ANK1: variants seen among roughly 807,000 people sequenced by gnomAD.
The protein encoded by ANK1 is ankyrin 1, also known as ankyrin-1.
ANK1 carries 51 observed loss-of-function variants against 210.4 expected under a neutral mutation model. The observed-to-expected ratio is 0.24, with a 90% CI of 0.19 to 0.31. The LOEUF is 0.31. Ranked by LOEUF, ANK1 falls within the 10% of genes least tolerant of loss-of-function variation. The pLI is 1.00. For missense variants in ANK1, 2,051 were observed against 2,504.4 expected (o/e 0.82, Z 3.86); for synonymous variants, 967 against 1,025.9 (o/e 0.94, Z 1.10).
At chr8:41,673,025 T>G in intron 37 of ANK1, 113 bp from the exon 38 acceptor site, 1 of 1,140,762 alleles carries the variant, frequency 8.8e-7, no homozygotes, top group Non-Finnish European at 1.3e-6. Flanking sequence ...GCCACAGAGA[T>G]GCATGCACAT....
At chr8:41,747,635 A>T (rs927758848) in intron 2 of ANK1, among the ~76,000 whole-genome samples, 2 of 152,166 alleles carry the variant, frequency 1.3e-5, no homozygotes, top group Admixed American at 6.5e-5. Flanking sequence ...CCTGCCACAC[A>T]CAGGCCTATC....
chr8:41,811,133 C>G (rs1439133861), intron 1 of ANK1, among the ~76,000 whole-genome samples: 3 of 152,314 alleles, frequency 2.0e-5, no homozygotes, highest in Admixed American at 2.0e-4. Flanking sequence ...GAAAAACAAG[C>G]TAAGCATGGC....
chr8:41,798,104 C>A (rs1301906178), upstream of ANK1, among the ~76,000 whole-genome samples: 2 of 152,006 alleles, frequency 1.3e-5, no homozygotes, highest in African/African-American at 4.8e-5. Context: ...GCCCTGGGTG[C>A]CCCTGGGTTG....
At chr8:41,677,447 C>T (rs1814530528) in intron 37 of ANK1, among the ~76,000 whole-genome samples, 1 of 151,952 alleles carries the variant, frequency 6.6e-6, no homozygotes, top group South Asian at 2.1e-4. Context: ...CTTTATTTTG[C>T]TTTCATTTTT....
chr8:41,771,988 G>T (rs1843056510), intron 1 of ANK1, among the ~76,000 whole-genome samples: 1 of 152,130 alleles, frequency 6.6e-6, no homozygotes, highest in Admixed American at 6.5e-5. Context: ...TCCCCAGGAT[G>T]ATTTGGGAGA....
At chr8:41,857,324 G>A (rs559454298) in intron 1 of ANK1, among the ~76,000 whole-genome samples, 8 of 151,368 alleles carry the variant, frequency 5.3e-5, no homozygotes, top group South Asian at 2.1e-4. Context: ...GTGGCCGGGC[G>A]CGGTGGCTCA....
At chr8:41,851,930 C>T (rs1468932279) in intron 1 of ANK1, among the ~76,000 whole-genome samples, 1 of 152,144 alleles carries the variant, frequency 6.6e-6, no homozygotes, top group Non-Finnish European at 1.5e-5. Context: ...CTACCATTGG[C>T]CCCCAGTCCT....
chr8:41,661,819 G>A (rs774013143), intron 41 of ANK1, 57 bp downstream of exon 41: 2 of 1,613,926 alleles, frequency 1.2e-6, no homozygotes, highest in South Asian at 2.2e-5. Flanking sequence ...GTTTCATAAA[G>A]TAATCAATAT....
intron 1 of ANK1, among the ~76,000 whole-genome samples, chr8:41,827,764 ACC>A (rs1805685305): frequency 1.4e-5 from 2 of 140,952 alleles, no homozygotes; most frequent in Admixed American, 7.0e-5. Flanking sequence ...CCACTCACAC[ACC>A]CCACACACAT....
chr8:41,845,487 C>T (rs1021488653), intron 1 of ANK1, among the ~76,000 whole-genome samples: 1 of 151,922 alleles, frequency 6.6e-6, no homozygotes, highest in Non-Finnish European at 1.5e-5. Context: ...GCAGTGGTCT[C>T]GCGGGGCACA....
chr8:41,728,033 A>G (rs748765506), intron 3 of ANK1, 27 bp from the exon 4 acceptor site: 1 of 1,611,282 alleles, frequency 6.2e-7, no homozygotes, highest in Non-Finnish European at 8.5e-7. Flanking sequence ...AAGGGAACAG[A>G]GGCGGTTTCC....
rs765269898 is a variant in ANK1 at position 41,672,457 on chromosome 8, C to A, written c.4993G>T (p.Asp1665Tyr). The change falls in exon 38 of 43, where the codon GAC (aspartate) becomes TAC (tyrosine). Residue 1665 changes from aspartate (D) to tyrosine (Y), a missense_variant. Physicochemically the swap from Asp to Tyr is radical, Grantham distance 160. Coordinates refer to ENST00000289734, the MANE Select transcript of ANK1 (RefSeq NM_000037.4). ...ACAAGAGACACTTCATTCTCTGAGTCCTGCCCTGCACCTGTCGCGTCATCC... is the reference window on the plus strand; with the variant it reads ...ACAAGAGACACTTCATTCTCTGAGTACTGCCCTGCACCTGTCGCGTCATCC... Reference protein sequence around the residue: ...RQDDATGAGQDSENEVSLVSG... With the variant: ...RQDDATGAGQYSENEVSLVSG... 4.3e-6 allele frequency: 7 copies of A among 1,614,232 alleles called. No individual in the cohort carries two copies. The highest frequency in any genetic ancestry group is 5.9e-6 in the Non-Finnish European group (7 of 1,180,046).
chr8:41,808,620 G>A (rs565051763), intron 1 of ANK1, among the ~76,000 whole-genome samples: 24 of 152,026 alleles, frequency 1.6e-4, no homozygotes, highest in African/African-American at 5.1e-4. Context: ...AGTCAATATC[G>A]TGCCCACTGC....
intron 1 of ANK1, among the ~76,000 whole-genome samples, chr8:41,867,613 AGCAC>A: frequency 6.6e-6 from 1 of 152,076 alleles, no homozygotes; most frequent in East Asian, 1.9e-4. Flanking sequence ...TCCACCCGGC[AGCAC>A]CCATGCCACA....
At chr8:41,856,853 G>A (rs147569304) in intron 1 of ANK1, among the ~76,000 whole-genome samples, 24 of 146,924 alleles carry the variant, frequency 1.6e-4, no homozygotes, top group Admixed American at 3.4e-4. Context: ...ACGGTCTTTC[G>A]CCTTGGTGCT....
chr8:41,713,348 C>A (rs1826706236), intron 16 of ANK1, among the ~76,000 whole-genome samples: 1 of 152,226 alleles, frequency 6.6e-6, no homozygotes, highest in Admixed American at 6.5e-5. Context: ...CCCTACACAG[C>A]CTCGCCTTCC....
intron 7 of ANK1, among the ~76,000 whole-genome samples, chr8:41,723,858 C>T (rs1376962373): frequency 2.7e-4 from 41 of 149,550 alleles, no homozygotes; most frequent in Non-Finnish European, 4.6e-4. Flanking sequence ...GGCGCGATCT[C>T]GACTCACTGC....
chr8:41,672,549 A>C lies in ANK1; in HGVS notation c.4901T>G (p.Leu1634Arg), dbSNP rs1402646676. 6.2e-7 allele frequency: 1 copy of C among 1,614,190 alleles called. No homozygotes were observed. Among genetic ancestry groups the C allele is most frequent in the Non-Finnish European group, 8.5e-7 (1 of 1,180,040 alleles). The change falls in exon 38 of 43, where the codon CTT becomes CGT. Residue 1634 changes from leucine (L) to arginine (R), a missense_variant. This residue lies in a region of ANK1 where 496 missense variants were observed against 533.4 expected (regional missense o/e 0.93). Coordinates refer to ENST00000289734, the MANE Select transcript of ANK1 (RefSeq NM_000037.4). ...TTCCTCCTGTTCAAGCAAATCGATA[A>C]GGCCATTTGTGGCATCTGAATCCAC... ...DTVDSDATNG[L>R]IDLLEQEEGQ...
In ANK1 at chr8:41,735,456, G is replaced by A. The variant is rs375514822; in HGVS notation, c.130-1387C>T. ...GTTTTGATTAATTCTGTTCTATTGC[G>A]TTCCTTTCCAGGGGAGGCCTCAGAG... On this transcript the variant is annotated intron_variant, in intron 2 of 42. Coordinates refer to ENST00000289734, the MANE Select transcript of ANK1 (RefSeq NM_000037.4). Among the ~76,000 whole-genome samples, 182 of 151,928 alleles carry A rather than the reference G, an allele frequency of 1.2e-3. 6 individuals carry two copies. In the South Asian group the frequency reaches 0.034, roughly 28 times the overall value.
Sources: gnomAD v4.1 joint callset for allele counts (sites outside exome capture counted in the v4.1 genomes callset) on GRCh38, gnomAD v4.1.1 for gene constraint, gnomAD v4.1.1 regional missense constraint, MANE v1.5 for transcripts, NCBI Gene and HGNC (gene_info 2026-07-23, HGNC 2026-07-21) for gene names.